The following EME2 variants were observed in gnomAD, a reference collection of about 807,000 sequenced individuals.
EME2 encodes the protein structure-specific endonuclease subunit EME2.
EME2 carries 58 observed loss-of-function variants against 41.9 expected under a neutral mutation model. The observed-to-expected ratio is 1.38, with a 90% CI of 1.12 to 1.72. The LOEUF (loss-of-function observed/expected upper bound fraction) is 1.72. Ranked by LOEUF, EME2 falls within the 40% of genes most tolerant of loss-of-function variation. The pLI is 0.00. For synonymous variants in EME2, 334 were observed against 239.3 expected (o/e 1.40, Z -3.65); for missense variants, 695 against 541.9 (o/e 1.28, Z -2.81).
At position 1,777,933 on chromosome 16, in the gene EME2, G is replaced by A. The variant is rs772367762; in HGVS notation, c.*1695G>A. 5 of 1,612,418 alleles carry A rather than the reference G, an allele frequency of 3.1e-6. No individual in the cohort carries two copies. The highest frequency in any genetic ancestry group is 1.7e-4 in the Middle Eastern group (1 of 6,054). On this transcript the variant is annotated 3_prime_UTR_variant, in exon 8 of 8. Transcript: ENST00000568449. ...TCCAGGCTCGGCCCCGCCCCACCCT[G>A]GGCCTCACGCACCCGTGTAGGAGAG...
Position 1,781,337 on chromosome 16 carries a change from G to A in EME2, c.*5099G>A, listed in dbSNP as rs1303791567. The A allele has an allele frequency of 3.7e-6, 6 of 1,612,720 alleles. No homozygotes were observed. The highest frequency in any genetic ancestry group is 1.7e-5 in the Admixed American group (1 of 59,998). On this transcript the variant is annotated 3_prime_UTR_variant, in exon 8 of 8. Transcript: ENST00000568449. ...TCCACACCTTAGGCCAGCCACGTCCGCCTCGCCCGCTGGAACCTACCTGCC... is the reference window on the plus strand; with the variant it reads ...TCCACACCTTAGGCCAGCCACGTCCACCTCGCCCGCTGGAACCTACCTGCC...
chr16:1,777,627 G>T lies in EME2; in HGVS notation c.*1389G>T. The T allele has an allele frequency of 6.7e-7, 1 of 1,503,548 alleles. No individual in the cohort carries two copies. The highest frequency in any genetic ancestry group is 1.9e-5 in the Admixed American group (1 of 53,206). The allele number at this position is 1,503,548 out of a possible 1,614,324, so 93.1% of individuals were successfully genotyped here. A position where few individuals can be genotyped will look rare whatever the true frequency, so the allele number is the denominator to read the frequency against. ...ACTGTCCCACCCCCTGGGACCCTGG[G>T]GCCTCAGGCTTCTGGGAGGAACCCT... is the stretch of plus-strand genomic sequence containing the variant. On this transcript the variant is annotated 3_prime_UTR_variant, in exon 8 of 8. Transcript: ENST00000568449.
In EME2 at chr16:1,773,694, C is replaced by T. The variant is rs755764387; in HGVS notation, c.248-11C>T. ...GGAAGCAGTGACCGCGCTCCTCTCCCCCGGTCCCAGCCATCCTGGAAGACG... is the reference window on the plus strand; with the variant it reads ...GGAAGCAGTGACCGCGCTCCTCTCCTCCGGTCCCAGCCATCCTGGAAGACG... On this transcript the variant is annotated splice_polypyrimidine_tract_variant and intron_variant, in intron 1 of 7. Coordinates refer to ENST00000568449, the MANE Select transcript of EME2 (RefSeq NM_001257370.2). The T allele has an allele frequency of 3.2e-6, 5 of 1,548,448 alleles. No individual in the cohort carries two copies. The highest frequency in any genetic ancestry group is 2.4e-5 in the South Asian group (2 of 84,026).
rs1269220389 is a variant in EME2, at chr16:1,773,054, C to T, written c.-174C>T. 6 of 1,422,424 alleles carry T rather than the reference C, an allele frequency of 4.2e-6. No individual in the cohort carries two copies. Among genetic ancestry groups the T allele is most frequent in the Non-Finnish European group, 5.5e-6 (6 of 1,089,754 alleles). 88.1% of individuals were successfully genotyped at this position (1,422,424 alleles called of 1,614,324 possible). A position where few individuals can be genotyped will look rare whatever the true frequency, so the allele number is the denominator to read the frequency against. On this transcript the variant is annotated 5_prime_UTR_variant, in exon 1 of 8. Coordinates refer to ENST00000568449, the MANE Select transcript of EME2 (RefSeq NM_001257370.2). Reference sequence around the variant, plus strand: ...AGTCGCGCGGCCTGTTCAGTTGCTCCCGCAGGGCGCGCACGCGGCGGGCCA... The same window carrying T: ...AGTCGCGCGGCCTGTTCAGTTGCTCTCGCAGGGCGCGCACGCGGCGGGCCA...
chr16:1,778,550 C>G lies in EME2; in HGVS notation c.*2312C>G. 6.2e-7 allele frequency: 1 copy of G among 1,607,080 alleles called. No homozygotes were observed. The highest frequency in any genetic ancestry group is 8.5e-7 in the Non-Finnish European group (1 of 1,176,054). On this transcript the variant is annotated 3_prime_UTR_variant, in exon 8 of 8. Transcript: ENST00000568449. ...CACAGAAGGACTCGCCGGTCACGGGCACCGCACTGGGGATGGATGGCGGCA... is the reference window on the plus strand; with the variant it reads ...CACAGAAGGACTCGCCGGTCACGGGGACCGCACTGGGGATGGATGGCGGCA...
At position 1,776,856 on chromosome 16, in the gene EME2, C is replaced by T. The variant is rs769391358; in HGVS notation, c.*618C>T. ...CGGGCTCCAGCCAGGCTCTCGTCCTCGCAGCCTCCCACAAGACCTGGGGCT... is the reference window on the plus strand; with the variant it reads ...CGGGCTCCAGCCAGGCTCTCGTCCTTGCAGCCTCCCACAAGACCTGGGGCT... On this transcript the variant is annotated 3_prime_UTR_variant, in exon 8 of 8. Transcript: ENST00000568449. 3.3e-5 allele frequency: 18 copies of T among 553,080 alleles called. No individual in the cohort carries two copies. The highest frequency in any genetic ancestry group is 2.5e-5 in the Non-Finnish European group (8 of 315,594). 34.3% of individuals were successfully genotyped at this position (553,080 alleles called of 1,614,324 possible).
Position 1,772,875 on chromosome 16 carries a change from C to T in EME2, c.-353C>T. 6.9e-7 allele frequency: 1 copy of T among 1,452,956 alleles called. No homozygotes were observed. The highest frequency in any genetic ancestry group is 2.6e-5 in the East Asian group (1 of 38,934). The allele number at this position is 1,452,956 out of a possible 1,614,324, so 90.0% of individuals were successfully genotyped here. A position where few individuals can be genotyped will look rare whatever the true frequency, so the allele number is the denominator to read the frequency against. On this transcript the variant is annotated 5_prime_UTR_variant, in exon 1 of 8. Coordinates refer to ENST00000568449, the MANE Select transcript of EME2 (RefSeq NM_001257370.2). Reference sequence around the variant, plus strand: ...GTCGTGCTGCCACAGCCAGGACTTGCGCGTGACCAGGCGGCCCAGGCCGAA... The same window carrying T: ...GTCGTGCTGCCACAGCCAGGACTTGTGCGTGACCAGGCGGCCCAGGCCGAA...
Position 1,773,044 on chromosome 16 carries a change from T to G in EME2, c.-184T>G. On this transcript the variant is annotated 5_prime_UTR_variant, in exon 1 of 8. Transcript: ENST00000568449. ...TAGAGCTGGGAGTCGCGCGGCCTGTTCAGTTGCTCCCGCAGGGCGCGCACG... is the reference window on the plus strand; with the variant it reads ...TAGAGCTGGGAGTCGCGCGGCCTGTGCAGTTGCTCCCGCAGGGCGCGCACG... The G allele has an allele frequency of 7.0e-7, 1 of 1,430,152 alleles. No homozygotes were observed. The highest frequency in any genetic ancestry group is 1.5e-5 in the African/African-American group (1 of 66,548). The allele number at this position is 1,430,152 out of a possible 1,614,324, so 88.6% of individuals were successfully genotyped here. A position where few individuals can be genotyped will look rare whatever the true frequency, so the allele number is the denominator to read the frequency against.
chr16:1,777,986 C>A lies in EME2; in HGVS notation c.*1748C>A, dbSNP rs775432484. 2.5e-6 allele frequency: 4 copies of A among 1,613,204 alleles called. No homozygotes were observed. In the Admixed American group the frequency reaches 5.0e-5, roughly 20 times the overall value. On this transcript the variant is annotated 3_prime_UTR_variant, in exon 8 of 8. Coordinates refer to ENST00000568449, the MANE Select transcript of EME2 (RefSeq NM_001257370.2). Reference sequence around the variant, plus strand: ...CCCAGCTGTCCTCATCCCTGCCCAGCAGGCTGCAGAACGTGTGGCGGTATT... The same window carrying A: ...CCCAGCTGTCCTCATCCCTGCCCAGAAGGCTGCAGAACGTGTGGCGGTATT...
chr16:1,773,828 C>T lies in EME2; in HGVS notation c.371C>T (p.Pro124Leu), dbSNP rs781684913. Residue 124 changes from proline to leucine, a missense_variant, in exon 2 of 8, where the codon CCC (proline) becomes CTC (leucine). By Grantham distance (98) the Pro-to-Leu change is moderately conservative (BLOSUM62 -3). Coordinates refer to ENST00000568449, the MANE Select transcript of EME2 (RefSeq NM_001257370.2). The stretch of plus-strand genomic sequence containing the variant: ...CGGTGGACCCGAGCGAGTCCCGACC[C>T]CTGCCCCCGCAGCGTGAGTGGTCGC... ...SLRWTRASPDPCPRSLPPEVW... is the reference protein window; with the variant it reads ...SLRWTRASPDLCPRSLPPEVW... 1.9e-6 allele frequency: 3 copies of T among 1,548,284 alleles called. No homozygotes were observed. Among genetic ancestry groups the T allele is most frequent in the Non-Finnish European group, 1.7e-6 (2 of 1,150,648 alleles).
At position 1,775,968 on chromosome 16, in the gene EME2, C is replaced by T. The variant is rs143964421; in HGVS notation, c.951C>T (p.Ser317=). 4.2e-4 allele frequency: 677 copies of T among 1,609,448 alleles called. 5 individuals are homozygous for T. In the African/African-American group the frequency reaches 7.4e-3, roughly 18 times the overall value. Residue 317 remains serine (S), a synonymous_variant, in exon 7 of 8, where the codon TCC becomes TCT. Coordinates refer to ENST00000568449, the MANE Select transcript of EME2 (RefSeq NM_001257370.2). Reference sequence around the variant, plus strand: ...ATGCAGTTGTCACAGCCTTCCCCTCCCCCCGCCTTCTGCAGCAGGTGGGCC... The same window carrying T: ...ATGCAGTTGTCACAGCCTTCCCCTCTCCCCGCCTTCTGCAGCAGGTGGGCC... ...VADAVVTAFP[S]PRLLQQALEA...
In EME2 at chr16:1,773,096, CG is replaced by C; in HGVS notation, c.-130del. The stretch of plus-strand genomic sequence containing the variant: ...GGCGGGCCAGCTCCGCGATCAGCCG[CG>C]GACGCACCTTCTTCCGCGCCATGGC... On this transcript the variant is annotated 5_prime_UTR_variant, in exon 1 of 8. Coordinates refer to ENST00000568449, the MANE Select transcript of EME2 (RefSeq NM_001257370.2). 7.1e-7 allele frequency: 1 copy of C among 1,404,186 alleles called. No individual in the cohort carries two copies. The highest frequency in any genetic ancestry group is 9.2e-7 in the Non-Finnish European group (1 of 1,084,064). The allele number at this position is 1,404,186 out of a possible 1,614,324, so 87.0% of individuals were successfully genotyped here.
chr16:1,775,387 C>A lies in EME2; in HGVS notation c.642C>A (p.Val214=). The A allele has an allele frequency of 6.2e-7, 1 of 1,612,582 alleles. No individual in the cohort carries two copies. Among genetic ancestry groups the A allele is most frequent in the Non-Finnish European group, 8.5e-7 (1 of 1,179,934 alleles). Residue 214 remains valine, a synonymous_variant, in exon 5 of 8, where the codon GTC becomes GTA. Transcript: ENST00000568449. The stretch of plus-strand genomic sequence containing the variant: ...AGGTGGCCGGTGCCGAGGTGGCCGT[C>A]AGCTGGCCGGAGGTGGAAGAGGTGA... The part of the protein sequence containing the change: ...SPKVAGAEVA[V]SWPEVEEALV...
At chr16:1,773,557 C>G (rs2042663501) in intron 1 of EME2, 83 bp downstream of exon 1, 1 of 1,515,422 alleles carries the variant, frequency 6.6e-7, no homozygotes, top group Non-Finnish European at 8.8e-7. Flanking sequence ...CTGGGCGGGG[C>G]GCGCGTGCCG....
chr16:1,772,848 T>C lies in EME2; in HGVS notation c.-380T>C. On this transcript the variant is annotated 5_prime_UTR_variant, in exon 1 of 8. Coordinates refer to ENST00000568449, the MANE Select transcript of EME2 (RefSeq NM_001257370.2). The stretch of plus-strand genomic sequence containing the variant: ...CCGCGTGAGGCGCCAGTAGCACGGC[T>C]CGTCGTGCTGCCACAGCCAGGACTT... 2 of 1,443,768 alleles carry C rather than the reference T, an allele frequency of 1.4e-6. No individual in the cohort carries two copies. The highest frequency in any genetic ancestry group is 1.8e-6 in the Non-Finnish European group (2 of 1,103,404). The allele number at this position is 1,443,768 out of a possible 1,614,324, so 89.4% of individuals were successfully genotyped here.
In EME2 at chr16:1,777,262, C is replaced by T; in HGVS notation, c.*1024C>T. The T allele has an allele frequency of 6.2e-7, 1 of 1,610,578 alleles. No individual in the cohort carries two copies. Among genetic ancestry groups the T allele is most frequent in the Non-Finnish European group, 8.5e-7 (1 of 1,179,842 alleles). ...GTAGCACCTGCTTGAGGCCCGGCGG[C>T]AGCGGCAGACCCTCCAGCGTGTCTC... On this transcript the variant is annotated 3_prime_UTR_variant, in exon 8 of 8. Coordinates refer to ENST00000568449, the MANE Select transcript of EME2 (RefSeq NM_001257370.2).
Position 1,776,266 on chromosome 16 carries a change from G to T in EME2, c.*28G>T. The T allele has an allele frequency of 6.2e-7, 1 of 1,609,596 alleles. No homozygotes were observed. The highest frequency in any genetic ancestry group is 8.5e-7 in the Non-Finnish European group (1 of 1,178,070). Reference sequence around the variant, plus strand: ...ACACGTGGGACCACCAGGACAGCATGCAGCCTTGGGGACAGACCAGACACC... The same window carrying T: ...ACACGTGGGACCACCAGGACAGCATTCAGCCTTGGGGACAGACCAGACACC... On this transcript the variant is annotated 3_prime_UTR_variant, in exon 8 of 8. Transcript: ENST00000568449.
chr16:1,775,481 T>A, intron 5 of EME2, 73 bp downstream of exon 5: 1 of 1,594,680 alleles, frequency 6.3e-7, no homozygotes, highest in Non-Finnish European at 8.6e-7. Context: ...TGGGTTTGGT[T>A]CCCAGCGTGG....
In EME2 at chr16:1,778,015, C is replaced by T. The variant is rs765544910; in HGVS notation, c.*1777C>T. 3.1e-6 allele frequency: 5 copies of T among 1,613,242 alleles called. No individual in the cohort carries two copies. The East Asian group carries it at 8.9e-5, about 29-fold the overall frequency. On this transcript the variant is annotated 3_prime_UTR_variant, in exon 8 of 8. Coordinates refer to ENST00000568449, the MANE Select transcript of EME2 (RefSeq NM_001257370.2). ...CTGCAGAACGTGTGGCGGTATTTGT[C>T]CAGGTCCACATCCGACGTCCCGATG... is the stretch of plus-strand genomic sequence containing the variant.
Sources: allele counts gnomAD v4.1 joint callset, GRCh38; gene constraint gnomAD v4.1.1; transcripts MANE v1.5; gene names NCBI Gene and HGNC (gene_info 2026-07-23, HGNC 2026-07-21).